The following CALCR variants were observed in gnomAD, a reference collection of about 807,000 sequenced individuals.
The protein encoded by CALCR is calcitonin receptor.
CALCR carries 47 observed loss-of-function variants against 59.5 expected under a neutral mutation model. The ratio of observed to expected loss-of-function variants is 0.79; its 90% CI spans 0.63 to 1.01. CALCR has a LOEUF of 1.01. CALCR is among the 50% of genes least tolerant of loss of function. CALCR has a pLI of 0.00. For synonymous variants in CALCR, 213 were observed against 211.3 expected (o/e 1.01, Z -0.07); for missense variants, 566 against 597.1 (o/e 0.95, Z 0.54).
chr7:93,433,765 A>T (rs1247058199), intron 13 of CALCR, among the ~76,000 whole-genome samples: 8 of 152,240 alleles, frequency 5.3e-5, no homozygotes, highest in Admixed American at 5.2e-4. Context: ...ACTGATCTAA[A>T]TATTCACATT....
intron 2 of CALCR, among the ~76,000 whole-genome samples, chr7:93,552,035 C>T (rs902182637): frequency 6.6e-6 from 1 of 152,050 alleles, no homozygotes; most frequent in Non-Finnish European, 1.5e-5. Flanking sequence ...CAGAGCATGT[C>T]GACCTCGTGG....
At chr7:93,470,921 A>C (rs1316981260) in intron 6 of CALCR, among the ~76,000 whole-genome samples, 16 of 124,798 alleles carry the variant, frequency 1.3e-4, no homozygotes, top group South Asian at 3.1e-4. Context: ...GCTATCCCTC[A>C]CCCCTCCCCC....
At chr7:93,545,516 A>G (rs1416184061) in intron 2 of CALCR, among the ~76,000 whole-genome samples, 1 of 152,130 alleles carries the variant, frequency 6.6e-6, no homozygotes, top group East Asian at 1.9e-4. Context: ...CTGGACTTCG[A>G]TGATATTTTG....
intron 5 of CALCR, among the ~76,000 whole-genome samples, chr7:93,475,157 T>C (rs902816729): frequency 6.6e-5 from 10 of 151,798 alleles, no homozygotes; most frequent in Non-Finnish European, 1.3e-4. Flanking sequence ...TTGAACTAAA[T>C]GCAAGATTTA....
At chr7:93,487,433 T>C (rs1800970218) in intron 2 of CALCR, among the ~76,000 whole-genome samples, 1 of 151,438 alleles carries the variant, frequency 6.6e-6, no homozygotes. Context: ...TCATGCCCTC[T>C]AGGTAGTCTA....
intron 9 of CALCR, among the ~76,000 whole-genome samples, chr7:93,442,998 G>T (rs754804196): frequency 2.0e-5 from 3 of 152,094 alleles, no homozygotes; most frequent in Admixed American, 6.6e-5. Flanking sequence ...TCAGCACCCT[G>T]CCTTAGTTTG....
chr7:93,566,360 G>T (rs2116281075), intron 2 of CALCR, among the ~76,000 whole-genome samples: 1 of 152,176 alleles, frequency 6.6e-6, no homozygotes, highest in South Asian at 2.1e-4. Flanking sequence ...CTGGAATTTG[G>T]TTATAGGTAT....
intron 8 of CALCR, among the ~76,000 whole-genome samples, chr7:93,448,554 C>T (rs893919048): frequency 2.6e-5 from 4 of 151,776 alleles, no homozygotes; most frequent in East Asian, 1.9e-4. Flanking sequence ...AGTTACCTTC[C>T]GGTGGGGAGA....
At chr7:93,516,429 G>A (rs1024610278) in intron 2 of CALCR, among the ~76,000 whole-genome samples, 3 of 151,880 alleles carry the variant, frequency 2.0e-5, no homozygotes, top group African/African-American at 7.2e-5. Flanking sequence ...TACTAAACTT[G>A]GGGCTAGTAT....
At chr7:93,551,086 A>G (rs1789445003) in intron 2 of CALCR, among the ~76,000 whole-genome samples, 2 of 152,240 alleles carry the variant, frequency 1.3e-5, no homozygotes, top group African/African-American at 4.8e-5. Flanking sequence ...AAGCTTGAAA[A>G]TTACTTAATT....
chr7:93,537,704 A>G (rs1439380815), intron 2 of CALCR, among the ~76,000 whole-genome samples: 3 of 151,750 alleles, frequency 2.0e-5, no homozygotes, highest in African/African-American at 7.2e-5. Context: ...TTTTGATTAT[A>G]CATGTGTATA....
intron 2 of CALCR, among the ~76,000 whole-genome samples, chr7:93,529,199 T>C (rs912325587): frequency 2.2e-4 from 34 of 152,156 alleles, no homozygotes; most frequent in African/African-American, 8.2e-4. Flanking sequence ...TAGATTTCTC[T>C]GGCTTAGCAC....
intron 2 of CALCR, among the ~76,000 whole-genome samples, chr7:93,571,744 A>G (rs968551168): frequency 6.6e-6 from 1 of 152,210 alleles, no homozygotes; most frequent in African/African-American, 2.4e-5. Context: ...GCTTTGAGCG[A>G]GTTCATTAAT....
intron 11 of CALCR, among the ~76,000 whole-genome samples, chr7:93,437,115 T>G (rs1799797992): frequency 6.6e-6 from 1 of 152,096 alleles, no homozygotes; most frequent in Non-Finnish European, 1.5e-5. Flanking sequence ...TCTGTTAATT[T>G]ATGGTCATTC....
chr7:93,494,785 G>A (rs1801162616), intron 2 of CALCR, among the ~76,000 whole-genome samples: 1 of 151,390 alleles, frequency 6.6e-6, no homozygotes, highest in Admixed American at 6.6e-5. Context: ...GTTTGAGAGA[G>A]AAAAGCAGGC....
rs1206117619 is a variant in CALCR, at chr7:93,424,799, C to T, written c.*1557G>A. 1 of 152,530 alleles carries T rather than the reference C, an allele frequency of 6.6e-6. No homozygotes were observed. The highest frequency in any genetic ancestry group is 1.5e-5 in the Non-Finnish European group (1 of 68,002). 9.4% of individuals were successfully genotyped at this position (152,530 alleles called of 1,614,324 possible). The stretch of plus-strand genomic sequence containing the variant: ...CATAACACTGTGATTGGAAAAATAC[C>T]TTCTTTTCGATCCCCCCCTTACATT... On this transcript the variant is annotated 3_prime_UTR_variant, in exon 14 of 14. Transcript: ENST00000426151.
intron 2 of CALCR, among the ~76,000 whole-genome samples, chr7:93,568,874 G>A (rs1415659375): frequency 2.6e-5 from 4 of 151,976 alleles, no homozygotes; most frequent in African/African-American, 9.7e-5. Flanking sequence ...ATGAGCCAAA[G>A]ACATTATTTT....
chr7:93,478,618 G>A (rs965448955), intron 4 of CALCR, among the ~76,000 whole-genome samples: 1 of 135,908 alleles, frequency 7.4e-6, no homozygotes, highest in Admixed American at 8.0e-5. Context: ...CTGGGCGAGA[G>A]AGTGAGACCC....
intron 2 of CALCR, among the ~76,000 whole-genome samples, chr7:93,555,296 TC>T (rs1789569668): frequency 6.6e-6 from 1 of 152,130 alleles, no homozygotes; most frequent in Non-Finnish European, 1.5e-5. Context: ...CAATGCCCCA[TC>T]ATTTCTGTGC....
Sources: allele counts gnomAD v4.1 joint callset (sites outside exome capture counted in the v4.1 genomes callset), GRCh38; gene constraint gnomAD v4.1.1; transcripts MANE v1.5; gene names NCBI Gene and HGNC (gene_info 2026-07-23, HGNC 2026-07-21).